AJAP1: variants seen among roughly 807,000 people sequenced by gnomAD.
AJAP1 encodes adherens junctions associated protein 1, also known as adherens junction-associated protein 1.
Under a neutral mutation model 35.0 loss-of-function variants are expected in AJAP1, and 5 were observed. The ratio of observed to expected loss-of-function variants is 0.14; its 90% CI spans 0.07 to 0.30. The LOEUF (loss-of-function observed/expected upper bound fraction) is 0.30. Ranked by LOEUF, AJAP1 falls within the 10% of genes least tolerant of loss-of-function variation. The pLI, the probability that AJAP1 is intolerant of heterozygous loss-of-function variation, is 1.00. For synonymous variants in AJAP1, 284 were observed against 249.3 expected (o/e 1.14, Z -1.31); for missense variants, 586 against 571.0 (o/e 1.03, Z -0.27).
chr1:4,773,800 CCT>C (rs1409146227), intron 4 of AJAP1, among the ~76,000 whole-genome samples: 1 of 152,196 alleles, frequency 6.6e-6, no homozygotes, highest in Non-Finnish European at 1.5e-5. Flanking sequence ...CGTGGGCTGG[CCT>C]CTGTTGCTTC....
rs1638888524 is a variant in AJAP1, at chr1:4,656,640, C to T, written c.29+1186C>T. On this transcript the variant is annotated intron_variant, in intron 1 of 5. Transcript: ENST00000378191. This position sits in a 1 kb window ranked among gnomAD's most constrained non-coding sequence, Gnocchi z 5.7. ...AGGGGACTGGGACGCCAAGTGTTTT[C>T]TAGCGACCCTTGATTTATGAGCCGA... Among the ~76,000 whole-genome samples, 1 of 152,166 alleles carries T rather than the reference C, an allele frequency of 6.6e-6. No homozygotes were observed. The highest frequency in any genetic ancestry group is 1.5e-5 in the Non-Finnish European group (1 of 68,032).
At chr1:4,694,660 T>G (rs1639818408) in intron 1 of AJAP1, among the ~76,000 whole-genome samples, 1 of 151,832 alleles carries the variant, frequency 6.6e-6, no homozygotes, top group Admixed American at 6.6e-5. Flanking sequence ...GGTGGGCAGG[T>G]GGAGGTAAGG....
intron 2 of AJAP1, among the ~76,000 whole-genome samples, chr1:4,765,497 G>A (rs967070947): frequency 2.6e-5 from 4 of 152,198 alleles, no homozygotes; most frequent in African/African-American, 4.8e-5. Context: ...TGAAGAAGGA[G>A]AGACATGAGT....
intron 1 of AJAP1, among the ~76,000 whole-genome samples, chr1:4,697,309 C>T (rs958475027): frequency 2.0e-5 from 3 of 152,244 alleles, no homozygotes; most frequent in Non-Finnish European, 2.9e-5. Context: ...GCCCACAGCA[C>T]AGGGCTGGCA....
chr1:4,775,199 G>A lies in AJAP1; in HGVS notation c.*59+641G>A, dbSNP rs1002069518. ...TAGTGATATTAACTTTAATGCTAAC[G>A]TTAAATTGCCTCCTTCTGTGCTGAG... is the stretch of plus-strand genomic sequence containing the variant. On this transcript the variant is annotated intron_variant, in intron 5 of 5. Coordinates refer to ENST00000378191, the MANE Select transcript of AJAP1 (RefSeq NM_018836.4). 7.9e-5 allele frequency among the ~76,000 whole-genome samples: 12 copies of A among 152,314 alleles called. 1 individual carries two copies. The South Asian group carries it at 8.3e-4, about 11-fold the overall frequency.
At chr1:4,671,729 A>G (rs1020081521) in intron 1 of AJAP1, among the ~76,000 whole-genome samples, 5 of 152,196 alleles carry the variant, frequency 3.3e-5, no homozygotes, top group Admixed American at 6.5e-5. Flanking sequence ...TTAATCTGAA[A>G]GGTATAGGCC....
At chr1:4,702,021 GT>G (rs1046150790) in intron 1 of AJAP1, among the ~76,000 whole-genome samples, 25 of 152,178 alleles carry the variant, frequency 1.6e-4, no homozygotes, top group Non-Finnish European at 3.4e-4. Flanking sequence ...TTTTGCCCTA[GT>G]TTTCTAGTAT....
intron 1 of AJAP1, among the ~76,000 whole-genome samples, chr1:4,701,206 G>A (rs115008441): frequency 6.6e-6 from 1 of 152,342 alleles, no homozygotes; most frequent in African/African-American, 2.4e-5. Context: ...TGGGAGTGGA[G>A]GAGTGCTGGG....
At chr1:4,767,493 A>C (rs1006244815) in intron 2 of AJAP1, among the ~76,000 whole-genome samples, 1 of 151,364 alleles carries the variant, frequency 6.6e-6, no homozygotes, top group Non-Finnish European at 1.5e-5. Flanking sequence ...CACCATTACC[A>C]TCATTATCAC....
intron 2 of AJAP1, among the ~76,000 whole-genome samples, chr1:4,722,446 G>T (rs1570156404): frequency 6.6e-6 from 1 of 152,256 alleles, no homozygotes; most frequent in East Asian, 1.9e-4. Context: ...CGTTCACCCA[G>T]CTGGAGCCTC....
At chr1:4,748,567 G>A (rs1641247216) in intron 2 of AJAP1, among the ~76,000 whole-genome samples, 1 of 152,036 alleles carries the variant, frequency 6.6e-6, no homozygotes, top group African/African-American at 2.4e-5. Flanking sequence ...GGCCAATATG[G>A]TAAAACCCTG....
Position 4,748,779 on chromosome 1 carries a change from G to A in AJAP1, c.830-21074G>A, listed in dbSNP as rs1355399099. Among the ~76,000 whole-genome samples, 295 of 146,000 alleles carry A rather than the reference G, an allele frequency of 2.0e-3. 4 individuals are homozygous for A. Among genetic ancestry groups the A allele is most frequent in the African/African-American group, 6.8e-3 (266 of 39,098 alleles). Reference sequence around the variant, plus strand: ...AAAAAAAAAAAAAAAAAAAAAGAATGGAACCAGGGCTCTTACAAAAGAGGA... The same window carrying A: ...AAAAAAAAAAAAAAAAAAAAAGAATAGAACCAGGGCTCTTACAAAAGAGGA... On this transcript the variant is annotated intron_variant, in intron 2 of 5. Coordinates refer to ENST00000378191, the MANE Select transcript of AJAP1 (RefSeq NM_018836.4).
intron 2 of AJAP1, among the ~76,000 whole-genome samples, chr1:4,742,362 G>A (rs2100319185): frequency 6.6e-6 from 1 of 152,264 alleles, no homozygotes; most frequent in Non-Finnish European, 1.5e-5. Flanking sequence ...GGAAATGTCA[G>A]GCAAATCAAA....
chr1:4,713,627 A>G (rs1349357867), intron 2 of AJAP1, among the ~76,000 whole-genome samples: 3 of 152,136 alleles, frequency 2.0e-5, no homozygotes, highest in East Asian at 1.9e-4. Flanking sequence ...GCACCCCGTC[A>G]CCCTCACCTC....
rs1270216057 is a variant in AJAP1 at position 4,712,371 on chromosome 1, C to T, written c.501C>T (p.Phe167=). The T allele has an allele frequency of 3.3e-6, 5 of 1,533,120 alleles. No individual in the cohort carries two copies. Among genetic ancestry groups the T allele is most frequent in the Middle Eastern group, 1.7e-4 (1 of 5,772 alleles). 95.0% of individuals were successfully genotyped at this position (1,533,120 alleles called of 1,614,324 possible). A position where few individuals can be genotyped will look rare whatever the true frequency, so the allele number is the denominator to read the frequency against. The change falls in exon 2 of 6, where the codon TTC becomes TTT. Residue 167 remains phenylalanine, a synonymous_variant. Coordinates refer to ENST00000378191, the MANE Select transcript of AJAP1 (RefSeq NM_018836.4). The part of the protein sequence containing the change: ...RHLQGDGLSS[F]DSRGSRPTTE... ...TGCAGGGGGACGGTCTCAGCAGCTT[C>T]GACTCCAGAGGCAGCCGGCCCACCA...
At chr1:4,777,389 GT>G (rs1406435364) in intron 5 of AJAP1, 2 of 152,202 alleles carry the variant, frequency 1.3e-5, no homozygotes, top group Admixed American at 1.3e-4. Context: ...AGCCAAGTTC[GT>G]TTTCTTGCAG....
At chr1:4,672,044 A>G (rs1200943627) in intron 1 of AJAP1, among the ~76,000 whole-genome samples, 1 of 152,162 alleles carries the variant, frequency 6.6e-6, no homozygotes, top group Non-Finnish European at 1.5e-5. Flanking sequence ...CGCGTCTGAG[A>G]CTCACGGAGC....
chr1:4,662,068 CTGTG>C (rs1330711993), intron 1 of AJAP1, among the ~76,000 whole-genome samples: 2 of 124,276 alleles, frequency 1.6e-5, no homozygotes, highest in Non-Finnish European at 3.5e-5. Context: ...GTGTGTGTGT[CTGTG>C]TGTGTGTGCA....
At chr1:4,762,680 A>C (rs742245) in intron 2 of AJAP1, among the ~76,000 whole-genome samples, 45,266 of 152,084 alleles carry the variant, frequency 0.3, 7,310 homozygotes, top group Middle Eastern at 0.5. Flanking sequence ...ATAACCAAGA[A>C]TATAATGGCT....
Sources: gnomAD v4.1 joint callset for allele counts (sites outside exome capture counted in the v4.1 genomes callset) on GRCh38, gnomAD v4.1.1 for gene constraint, Gnocchi (gnomAD v3.1) non-coding constraint, MANE v1.5 for transcripts, NCBI Gene and HGNC (gene_info 2026-07-23, HGNC 2026-07-21) for gene names.